The following FHOD3 variants were observed in gnomAD, a reference collection of about 807,000 sequenced individuals.
FHOD3 encodes formin homology 2 domain containing 3, also known as FH1/FH2 domain-containing protein 3.
In FHOD3, 90 loss-of-function variants were observed where a neutral mutation model predicts 173.0. That is an observed-to-expected ratio of 0.52 (90% confidence interval 0.44 to 0.62). The LOEUF is 0.62. Among genes scored for constraint, FHOD3 ranks in the 20% least tolerant of loss-of-function variants. The pLI is 0.00. For missense variants in FHOD3, 1,945 were observed against 2,034.7 expected, an observed-to-expected ratio of 0.96 and a Z score of 0.85; for synonymous variants, 828 against 823.0, an observed-to-expected ratio of 1.01 and a Z score of -0.10.
intron 17 of FHOD3, among the ~76,000 whole-genome samples, chr18:36,695,180 T>TAA (rs537635100): frequency 2.8e-5 from 4 of 143,986 alleles, no homozygotes; most frequent in African/African-American, 1.0e-4. Flanking sequence ...CGGTCTCTGC[T>TAA]AAAAAAAAAA....
chr18:36,402,940 C>G (rs1309877330), intron 3 of FHOD3, among the ~76,000 whole-genome samples: 2 of 152,158 alleles, frequency 1.3e-5, no homozygotes, highest in African/African-American at 2.4e-5. Flanking sequence ...CCAACGGTGA[C>G]GCAAGTTAGA....
intron 5 of FHOD3, among the ~76,000 whole-genome samples, chr18:36,548,544 A>G (rs2057507159): frequency 6.6e-6 from 1 of 152,106 alleles, no homozygotes; most frequent in Non-Finnish European, 1.5e-5. Flanking sequence ...TGCATCCAGT[A>G]CTCCAGAAAG....
intron 8 of FHOD3, among the ~76,000 whole-genome samples, chr18:36,603,505 T>C (rs895754546): frequency 6.0e-5 from 9 of 148,858 alleles, no homozygotes; most frequent in African/African-American, 2.3e-4. Flanking sequence ...AATAATAATA[T>C]ATTATTATTA....
intron 20 of FHOD3, among the ~76,000 whole-genome samples, chr18:36,739,012 G>A (rs1022525000): frequency 6.6e-6 from 1 of 152,114 alleles, no homozygotes; most frequent in Non-Finnish European, 1.5e-5. Context: ...ACAGGATCTG[G>A]TTCAGATGGG....
Position 36,455,576 on chromosome 18 carries a change from T to TA in FHOD3, c.338-46343dup, listed in dbSNP as rs35181859. Among the ~76,000 whole-genome samples the TA allele has an allele frequency of 1.7e-3, 253 of 146,492 alleles. 1 individual carries two copies. The highest frequency in any genetic ancestry group is 9.6e-3 in the East Asian group (49 of 5,082). On this transcript the variant is annotated intron_variant, in intron 3 of 28. Transcript: ENST00000590592. ...CGGCAATGTTCATTAAACCTTTAAT[T>TA]AAAAAAAAAAAAAGCTGTCTAGGGA...
intron 28 of FHOD3, 75 bp from the exon 29 acceptor site, chr18:36,779,373 G>T: frequency 2.9e-6 from 4 of 1,397,868 alleles, no homozygotes; most frequent in Non-Finnish European, 4.1e-6. Flanking sequence ...CTGGAGTCTT[G>T]ACTGCCCTGT....
Position 36,450,483 on chromosome 18 carries a change from A to AT in FHOD3, c.338-51446dup, listed in dbSNP as rs139020815. Among the ~76,000 whole-genome samples the AT allele has an allele frequency of 6.0e-4, 74 of 122,938 alleles. 1 individual carries two copies. Among genetic ancestry groups the AT allele is most frequent in the African/African-American group, 3.2e-3 (69 of 21,460 alleles). 80.7% of individuals were successfully genotyped at this position (122,938 alleles called of 152,430 possible). On this transcript the variant is annotated intron_variant, in intron 3 of 28. Transcript: ENST00000590592. ...TATTTATTTATTTATTTATTTATTT[A>AT]TTTAATTTTTAAAGAAAACTCCCTG...
intron 3 of FHOD3, among the ~76,000 whole-genome samples, chr18:36,451,965 T>A (rs2051876005): frequency 6.6e-6 from 1 of 151,838 alleles, no homozygotes; most frequent in South Asian, 2.1e-4. Flanking sequence ...ATGTGGCTCC[T>A]TTTTTTCAAA....
At chr18:36,591,813 C>G (rs1366238888) in intron 6 of FHOD3, among the ~76,000 whole-genome samples, 1 of 152,148 alleles carries the variant, frequency 6.6e-6, no homozygotes, top group Non-Finnish European at 1.5e-5. Flanking sequence ...AGTCCAGTTA[C>G]TCGAGAGGCT....
chr18:36,298,759 G>GTTT (rs35661851), intron 1 of FHOD3, among the ~76,000 whole-genome samples: 3 of 146,368 alleles, frequency 2.0e-5, no homozygotes, highest in African/African-American at 7.6e-5. Flanking sequence ...CGTTAGAGAG[G>GTTT]TTTTTTTTTT....
chr18:36,382,557 A>C (rs919563541), intron 3 of FHOD3, among the ~76,000 whole-genome samples: 1 of 152,202 alleles, frequency 6.6e-6, no homozygotes, highest in African/African-American at 2.4e-5. Context: ...TTTTGTTTCA[A>C]CTAGAAGGTC....
chr18:36,333,717 C>T (rs1251451893), intron 1 of FHOD3, among the ~76,000 whole-genome samples: 1 of 152,148 alleles, frequency 6.6e-6, no homozygotes, highest in Non-Finnish European at 1.5e-5. Flanking sequence ...AGACTTTTGA[C>T]CCCACCGCCA....
chr18:36,696,743 A>T (rs1010886085), intron 17 of FHOD3, among the ~76,000 whole-genome samples: 4 of 152,178 alleles, frequency 2.6e-5, no homozygotes, highest in Admixed American at 2.6e-4. Context: ...CTTGGTGATG[A>T]TGGTCTAAGT....
In FHOD3 at chr18:36,652,911, A is replaced by C; in HGVS notation, c.1628A>C (p.Glu543Ala). 1 of 1,532,874 alleles carries C rather than the reference A, an allele frequency of 6.5e-7. No individual in the cohort carries two copies. The allele number at this position is 1,532,874 out of a possible 1,614,324, so 95.0% of individuals were successfully genotyped here. ...CTGTCCACCAAGGAGAAGGAAGCAG[A>C]GTCCCAGAAGGAAAACAGGTAGATT... is the stretch of plus-strand genomic sequence containing the variant. ...SSLSTKEKEA[E>A]SQKENSSSDS... The change falls in exon 12 of 29, where the codon GAG becomes GCG. Residue 543 changes from glutamate to alanine, a missense_variant. Glu to Ala is a moderately radical substitution (Grantham distance 107). Around this residue, in one of 5 missense-constraint regions of FHOD3, gnomAD observed 1,099 missense variants for 1,051.2 expected, o/e 1.05. Coordinates refer to ENST00000590592, the MANE Select transcript of FHOD3 (RefSeq NM_001281740.3).
At chr18:36,758,254 A>T (rs1299104903) in intron 25 of FHOD3, among the ~76,000 whole-genome samples, 1 of 152,226 alleles carries the variant, frequency 6.6e-6, no homozygotes, top group Non-Finnish European at 1.5e-5. Flanking sequence ...AGCATAGTTC[A>T]TTCTCAAAAC....
chr18:36,437,194 T>G (rs2050853254), intron 3 of FHOD3, among the ~76,000 whole-genome samples: 1 of 152,168 alleles, frequency 6.6e-6, no homozygotes, highest in East Asian at 1.9e-4. Flanking sequence ...CTTGGCTCGC[T>G]GCATCCTTCG....
At chr18:36,704,470 C>T (rs775145117) in intron 17 of FHOD3, among the ~76,000 whole-genome samples, 1 of 152,238 alleles carries the variant, frequency 6.6e-6, no homozygotes, top group Non-Finnish European at 1.5e-5. Flanking sequence ...CTCCCTTGCA[C>T]AGCCCAGGAG....
At chr18:36,400,301 T>A (rs2048743438) in intron 3 of FHOD3, among the ~76,000 whole-genome samples, 1 of 152,156 alleles carries the variant, frequency 6.6e-6, no homozygotes, top group Non-Finnish European at 1.5e-5. Flanking sequence ...AAGTAATTAC[T>A]CCAATAAATT....
In FHOD3 at chr18:36,402,933, A is replaced by T. The variant is rs1319953186; in HGVS notation, c.337+30189A>T. Among the ~76,000 whole-genome samples the T allele has an allele frequency of 6.6e-5, 10 of 152,240 alleles. No individual in the cohort carries two copies. In the East Asian group the frequency reaches 1.9e-3, roughly 29 times the overall value. On this transcript the variant is annotated intron_variant, in intron 3 of 28. Transcript: ENST00000590592. Reference sequence around the variant, plus strand: ...TTTGCCTGAGCTGAAGCTGTGGCCAACGGTGACGCAAGTTAGACGCTTAAG... The same window carrying T: ...TTTGCCTGAGCTGAAGCTGTGGCCATCGGTGACGCAAGTTAGACGCTTAAG...
Sources: gnomAD v4.1 joint callset for allele counts (sites outside exome capture counted in the v4.1 genomes callset) on GRCh38, gnomAD v4.1.1 for gene constraint, gnomAD v4.1.1 regional missense constraint, MANE v1.5 for transcripts, NCBI Gene and HGNC (gene_info 2026-07-23, HGNC 2026-07-21) for gene names.